LMX1B: variants seen among roughly 807,000 people sequenced by gnomAD.
The protein encoded by LMX1B is LIM homeobox transcription factor 1-beta.
Under a neutral mutation model 51.4 loss-of-function variants are expected in LMX1B, and 12 were observed. The observed-to-expected ratio is 0.23, with a 90% CI of 0.15 to 0.38. The LOEUF (loss-of-function observed/expected upper bound fraction) is 0.38, where lower values mean the gene tolerates loss of function less well. Among genes scored for constraint, LMX1B ranks in the 10% least tolerant of loss-of-function variants. The pLI, the probability that LMX1B is intolerant of heterozygous loss-of-function variation, is 1.00. For missense variants in LMX1B, 445 were observed against 571.1 expected, an observed-to-expected ratio of 0.78 and a Z score of 2.25; for synonymous variants, 237 against 235.4, an observed-to-expected ratio of 1.01 and a Z score of -0.06.
In LMX1B at chr9:126,621,588, T is replaced by C. The variant is rs181634792; in HGVS notation, c.326+6019T>C. 2.4e-3 allele frequency among the ~76,000 whole-genome samples: 360 copies of C among 151,984 alleles called. 13 individuals carry two copies. Among genetic ancestry groups the C allele is most frequent in the Non-Finnish European group, 5.0e-4 (34 of 67,978 alleles). On this transcript the variant is annotated intron_variant, in intron 2 of 7. Transcript: ENST00000373474. ...TTCATGTCATAAATGTCTCCTGTCA[T>C]TTGATGCCAAAAGCAACATGATTTG...
chr9:126,636,224 CAGTAGCTTGTAAAGGCCCTGATGGAGAGA>C (rs1274429943), intron 2 of LMX1B, among the ~76,000 whole-genome samples: 2 of 152,154 alleles, frequency 1.3e-5, no homozygotes, highest in African/African-American at 4.8e-5. Flanking sequence ...TCCCCAGTGG[CAGTAGCTTGTAAAGGCCCTGATGGAGAGA>C]ACACAGGGCA....
intron 2 of LMX1B, among the ~76,000 whole-genome samples, chr9:126,616,311 C>G (rs1835302226): frequency 6.6e-6 from 1 of 152,206 alleles, no homozygotes; most frequent in Non-Finnish European, 1.5e-5. Context: ...GCCCGCTCTG[C>G]CCTGGTATAA....
Position 126,625,592 on chromosome 9 carries a change from T to C in LMX1B, c.326+10023T>C, listed in dbSNP as rs1472195218. 1.3e-5 allele frequency among the ~76,000 whole-genome samples: 2 copies of C among 152,122 alleles called. No individual in the cohort carries two copies. Among genetic ancestry groups the C allele is most frequent in the African/African-American group, 4.8e-5 (2 of 41,424 alleles). On this transcript the variant is annotated intron_variant, in intron 2 of 7. Transcript: ENST00000373474. This position sits in a 1 kb window ranked among gnomAD's most constrained non-coding sequence, Gnocchi z 5.3. The stretch of plus-strand genomic sequence containing the variant: ...CTCGCACTCCTGCAGGTCTCCAGGG[T>C]TGGCCATTCCCGGCTGCATGCTCGG...
At chr9:126,692,070 G>C (rs2030152188) in intron 3 of LMX1B, among the ~76,000 whole-genome samples, 1 of 152,208 alleles carries the variant, frequency 6.6e-6, no homozygotes. Context: ...AGGCCCCATG[G>C]GTAACCTGGA....
chr9:126,675,056 A>G (rs3861875), intron 2 of LMX1B, among the ~76,000 whole-genome samples: 13,803 of 152,212 alleles, frequency 0.091, 2,123 homozygotes, highest in African/African-American at 0.31. Flanking sequence ...CTGTTGTTCC[A>G]ACGTAGAGTC....
At chr9:126,619,182 C>A (rs1360752312) in intron 2 of LMX1B, among the ~76,000 whole-genome samples, 1 of 152,226 alleles carries the variant, frequency 6.6e-6, no homozygotes, top group African/African-American at 2.4e-5. Flanking sequence ...AAATTTCCCC[C>A]AGCTGGCTGT....
rs1420619429 is a variant in LMX1B at position 126,696,326 on chromosome 9, G to A, written c.1084G>A (p.Asp362Asn). The stretch of plus-strand genomic sequence containing the variant: ...CTCCATCTTCCATGACATCGACAGC[G>A]ATACCTCCTTAACCAGCCTCAGCGA... ...NDSIFHDIDSDTSLTSLSDCF... is the reference protein window; with the variant it reads ...NDSIFHDIDSNTSLTSLSDCF... The change falls in exon 8 of 8, where the codon GAT (aspartate) becomes AAT (asparagine). Residue 362 changes from aspartate (D) to asparagine (N), a missense_variant. Asp to Asn is a conservative substitution (Grantham distance 23, BLOSUM62 1). Around this residue, in one of 3 missense-constraint regions of LMX1B, gnomAD observed 162 missense variants for 187.8 expected, o/e 0.86. Transcript: ENST00000373474. 6 of 1,613,914 alleles carry A rather than the reference G, an allele frequency of 3.7e-6. No individual in the cohort carries two copies. The highest frequency in any genetic ancestry group is 1.3e-5 in the African/African-American group (1 of 74,882).
In LMX1B at chr9:126,693,759, C is replaced by A; in HGVS notation, c.833C>A (p.Ala278Glu). The A allele has an allele frequency of 6.5e-7, 1 of 1,539,278 alleles. No homozygotes were observed. ...QNQRAKMKKL[A>E]RRHQQQQEQQ... Reference sequence around the variant, plus strand: ...CTCTCCCTGCAGATGAAGAAGCTGGCGCGGCGGCACCAGCAGCAGCAGGAG... The same window carrying A: ...CTCTCCCTGCAGATGAAGAAGCTGGAGCGGCGGCACCAGCAGCAGCAGGAG... The change falls in exon 6 of 8, where the codon GCG becomes GAG. Residue 278 changes from alanine (A) to glutamate (E), a missense_variant. By Grantham distance (107) the Ala-to-Glu change is moderately radical. This residue lies in a region of LMX1B where 162 missense variants were observed against 187.8 expected (regional missense o/e 0.86). Transcript: ENST00000373474.
intron 2 of LMX1B, among the ~76,000 whole-genome samples, chr9:126,624,756 G>T (rs1386041727): frequency 2.6e-5 from 4 of 151,752 alleles, no homozygotes; most frequent in Non-Finnish European, 5.9e-5. Flanking sequence ...TATCTGTGGA[G>T]ATTTCGAACA....
chr9:126,615,405 C>A lies in LMX1B; in HGVS notation c.162C>A (p.Ala54=), dbSNP rs751836316. 1 of 1,604,576 alleles carries A rather than the reference C, an allele frequency of 6.2e-7. No individual in the cohort carries two copies. The highest frequency in any genetic ancestry group is 1.1e-5 in the South Asian group (1 of 89,958). Residue 54 remains alanine (A), a synonymous_variant, in exon 2 of 8, where the codon GCC becomes GCA. Coordinates refer to ENST00000373474, the MANE Select transcript of LMX1B (RefSeq NM_001174147.2). This position sits in a 1 kb window ranked among gnomAD's most constrained non-coding sequence, Gnocchi z 6.0. ...CAGGCTCCGACTGCCCGCATCCCGC[C>A]GTCTGCGAGGGCTGCCAGCGGCCCA... ...VLLGSDCPHP[A]VCEGCQRPIS... is the part of the protein sequence containing the mutation.
intron 2 of LMX1B, among the ~76,000 whole-genome samples, chr9:126,678,392 T>C (rs1469549796): frequency 6.9e-6 from 1 of 144,402 alleles, no homozygotes; most frequent in East Asian, 2.0e-4. Context: ...GAAAGGGAGG[T>C]GTCACTGTCT....
At position 126,658,390 on chromosome 9, in the gene LMX1B, C is replaced by T. The variant is rs114207650; in HGVS notation, c.327-32446C>T. Among the ~76,000 whole-genome samples, 1,803 of 148,932 alleles carry T rather than the reference C, an allele frequency of 0.012. 42 individuals carry two copies. Among genetic ancestry groups the T allele is most frequent in the African/African-American group, 0.042 (1,702 of 40,200 alleles). The stretch of plus-strand genomic sequence containing the variant: ...TTCGGCTGGCCCTCCCCCTGGCTGC[C>T]GGGCCCGGGCACCCCTGCTGCTGAC... On this transcript the variant is annotated intron_variant, in intron 2 of 7. Coordinates refer to ENST00000373474, the MANE Select transcript of LMX1B (RefSeq NM_001174147.2). This position sits in a 1 kb window ranked among gnomAD's most constrained non-coding sequence, Gnocchi z 4.0.
At chr9:126,620,906 G>A (rs1441290240) in intron 2 of LMX1B, among the ~76,000 whole-genome samples, 1 of 152,184 alleles carries the variant, frequency 6.6e-6, no homozygotes, top group Admixed American at 6.5e-5. Context: ...GGGGGTAGGT[G>A]GAGGAGAGGT....
rs1835292565 is a variant in LMX1B, at chr9:126,615,747, G to GCC, written c.326+178_326+179insCC. On this transcript the variant is annotated intron_variant, in intron 2 of 7. Transcript: ENST00000373474. This position sits in a 1 kb window ranked among gnomAD's most constrained non-coding sequence, Gnocchi z 6.0. ...CTGGGGCGGACCAGCCCAGCCCAGC[G>GCC]GGCACTGATGGGGTCCTGGGAGCCT... Among the ~76,000 whole-genome samples the GCC allele has an allele frequency of 2.0e-5, 3 of 151,930 alleles. No individual in the cohort carries two copies. The highest frequency in any genetic ancestry group is 2.9e-5 in the Non-Finnish European group (2 of 67,938).
In LMX1B at chr9:126,614,516, A is replaced by G. The variant is rs1260158392; in HGVS notation, c.67A>G (p.Lys23Glu). 1 of 1,607,160 alleles carries G rather than the reference A, an allele frequency of 6.2e-7. No homozygotes were observed. The change falls in exon 1 of 8, where the codon AAG becomes GAG. Residue 23 changes from lysine (K) to glutamate (E), a missense_variant. Around this residue, in one of 3 missense-constraint regions of LMX1B, gnomAD observed 273 missense variants for 343.3 expected, o/e 0.80. Transcript: ENST00000373474. ...CFPRGQTDCAKMLDGIKMEEH... is the reference protein window; with the variant it reads ...CFPRGQTDCAEMLDGIKMEEH... ...CCCTCGCGGGCAGACGGACTGCGCC[A>G]AGATGTTGGACGGCATCAAGATGGA...
At position 126,622,467 on chromosome 9, in the gene LMX1B, G is replaced by A. The variant is rs138281917; in HGVS notation, c.326+6898G>A. On this transcript the variant is annotated intron_variant, in intron 2 of 7. Coordinates refer to ENST00000373474, the MANE Select transcript of LMX1B (RefSeq NM_001174147.2). ...GCTGCTGGGTAGCTGAAGATGAGCT[G>A]AGCATGCTGAGACACAGGGCCGCCA... is the stretch of plus-strand genomic sequence containing the variant. Among the ~76,000 whole-genome samples, 568 of 152,300 alleles carry A rather than the reference G, an allele frequency of 3.7e-3. 4 individuals are homozygous for A. The highest frequency in any genetic ancestry group is 3.6e-3 in the Non-Finnish European group (244 of 68,020).
At chr9:126,644,271 GAA>G (rs1835859954) in intron 2 of LMX1B, among the ~76,000 whole-genome samples, 1 of 152,236 alleles carries the variant, frequency 6.6e-6, no homozygotes, top group Non-Finnish European at 1.5e-5. Flanking sequence ...GATGAGGAGA[GAA>G]ATCCATAAAG....
At chr9:126,667,429 A>G (rs964777093) in intron 2 of LMX1B, among the ~76,000 whole-genome samples, 3 of 152,238 alleles carry the variant, frequency 2.0e-5, no homozygotes, top group African/African-American at 7.2e-5. Context: ...ACCATACATC[A>G]GTGAGCATCC....
At chr9:126,616,954 G>C (rs901933359) in intron 2 of LMX1B, among the ~76,000 whole-genome samples, 1 of 152,220 alleles carries the variant, frequency 6.6e-6, no homozygotes, top group Admixed American at 6.5e-5. Flanking sequence ...CCATTCAGAG[G>C]TTCAGCTGTT....
Sources: gnomAD v4.1 joint callset for allele counts (sites outside exome capture counted in the v4.1 genomes callset) on GRCh38, gnomAD v4.1.1 for gene constraint, gnomAD v4.1.1 regional missense constraint, Gnocchi (gnomAD v3.1) non-coding constraint, MANE v1.5 for transcripts, NCBI Gene and HGNC (gene_info 2026-07-23, HGNC 2026-07-21) for gene names.